The following IL6ST variants were observed in gnomAD, a reference collection of about 807,000 sequenced individuals.
The protein encoded by IL6ST is interleukin 6 cytokine family signal transducer, also known as interleukin-6 receptor subunit beta.
A neutral mutation model predicts 91.3 loss-of-function variants in IL6ST; 24 were observed. The observed-to-expected ratio is 0.26, with a 90% CI of 0.19 to 0.37. The LOEUF (loss-of-function observed/expected upper bound fraction) is 0.37, where lower values mean the gene tolerates loss of function less well. Among genes scored for constraint, IL6ST ranks in the 10% least tolerant of loss-of-function variants. IL6ST has a pLI of 1.00. For missense variants in IL6ST, 914 were observed against 1,078.5 expected (o/e 0.85, Z 2.14); for synonymous variants, 351 against 373.6 (o/e 0.94, Z 0.70).
Position 55,941,001 on chromosome 5 carries a change from T to G in IL6ST, c.*81A>C. The G allele has an allele frequency of 7.1e-7, 1 of 1,402,992 alleles. No homozygotes were observed. Among genetic ancestry groups the G allele is most frequent in the Non-Finnish European group, 9.7e-7 (1 of 1,032,328 alleles). 86.9% of individuals were successfully genotyped at this position (1,402,992 alleles called of 1,614,324 possible). On this transcript the variant is annotated 3_prime_UTR_variant, in exon 17 of 17. Transcript: ENST00000381298. ...TCATCTTCAGAGAGTGAAGACTTTT[T>G]AAAATCTGAATTCACAGATAAAATC...
chr5:55,950,237 A>T (rs939456742), intron 14 of IL6ST: 1 of 474,826 alleles, frequency 2.1e-6, no homozygotes, highest in Non-Finnish European at 4.2e-6. Flanking sequence ...ATAGGCAAGT[A>T]AGAAAACAGG....
intron 8 of IL6ST, chr5:55,959,535 TCTTA>T: frequency 4.0e-6 from 2 of 501,744 alleles, no homozygotes; most frequent in Non-Finnish European, 6.4e-6. Context: ...GCAGTGAGGA[TCTTA>T]CTTTAGACTG....
chr5:55,976,295 T>C lies in IL6ST; in HGVS notation c.-15-2A>G. On this transcript the variant is annotated splice_acceptor_variant, in intron 2 of 16. Transcript: ENST00000381298. LOFTEE classifies it low-confidence loss of function (5UTR_SPLICE). ...CGTCAACATCTTGCGCGGATATTTCTGCAACAGACACATGTAATATTACTT... is the reference window on the plus strand; with the variant it reads ...CGTCAACATCTTGCGCGGATATTTCCGCAACAGACACATGTAATATTACTT... The C allele has an allele frequency of 6.4e-7, 1 of 1,554,374 alleles. No homozygotes were observed. Among genetic ancestry groups the C allele is most frequent in the African/African-American group, 1.4e-5 (1 of 72,820 alleles).
Position 55,940,744 on chromosome 5 carries a change from CTTA to C in IL6ST, c.*335_*337del, listed in dbSNP as rs1412712505. 1 of 297,926 alleles carries C rather than the reference CTTA, an allele frequency of 3.4e-6. No homozygotes were observed. Among genetic ancestry groups the C allele is most frequent in the Non-Finnish European group, 6.3e-6 (1 of 158,616 alleles). 18.5% of individuals were successfully genotyped at this position (297,926 alleles called of 1,614,324 possible). The stretch of plus-strand genomic sequence containing the variant: ...GCTGTGCTCACTAAGCATATCACTG[CTTA>C]TTATTCAAATACCTTCTGTTTTCTA... On this transcript the variant is annotated 3_prime_UTR_variant, in exon 17 of 17. Coordinates refer to ENST00000381298, the MANE Select transcript of IL6ST (RefSeq NM_002184.4).
In IL6ST at chr5:55,971,151, T is replaced by C. The variant is rs944977670; in HGVS notation, c.65-1296A>G. ...ATGTATCATAATCTTTTCAAACTTA[T>C]TATTTTTTATTCTTATTTCTCTGCC... On this transcript the variant is annotated intron_variant, in intron 3 of 16. Coordinates refer to ENST00000381298, the MANE Select transcript of IL6ST (RefSeq NM_002184.4). Among the ~76,000 whole-genome samples, 3 of 152,294 alleles carry C rather than the reference T, an allele frequency of 2.0e-5. No individual in the cohort carries two copies. In the South Asian group the frequency reaches 6.2e-4, roughly 32 times the overall value.
chr5:55,949,191 T>G (rs1264473585), intron 14 of IL6ST, among the ~76,000 whole-genome samples: 1 of 152,092 alleles, frequency 6.6e-6, no homozygotes, highest in Non-Finnish European at 1.5e-5. Context: ...ATAAAAAAAT[T>G]TTAGGCTGAG....
chr5:55,941,909 T>TAC, intron 16 of IL6ST, 90 bp from the exon 17 acceptor site: 1 of 1,102,120 alleles, frequency 9.1e-7, no homozygotes, highest in South Asian at 1.5e-5. Context: ...CTCTCAGTGG[T>TAC]ACAGAAATAA....
At chr5:55,988,635 G>A (rs1470336342) in intron 1 of IL6ST, among the ~76,000 whole-genome samples, 2 of 151,572 alleles carry the variant, frequency 1.3e-5, no homozygotes. Flanking sequence ...GAGTGGTGGC[G>A]CACACCTGTA....
At chr5:55,952,889 C>T (rs1370233540) in intron 11 of IL6ST, among the ~76,000 whole-genome samples, 1 of 152,040 alleles carries the variant, frequency 6.6e-6, no homozygotes, top group African/African-American at 2.4e-5. Flanking sequence ...TGGTGAAACC[C>T]CCCTTTACTG....
chr5:55,977,160 G>A (rs1753347420), intron 2 of IL6ST, among the ~76,000 whole-genome samples: 1 of 152,042 alleles, frequency 6.6e-6, no homozygotes, highest in South Asian at 2.1e-4. Flanking sequence ...GTATGAACTG[G>A]TGATACATGC....
At chr5:55,979,604 T>C (rs144296430) in intron 2 of IL6ST, among the ~76,000 whole-genome samples, 18 of 152,342 alleles carry the variant, frequency 1.2e-4, no homozygotes, top group African/African-American at 4.1e-4. Flanking sequence ...CTACAGGTTA[T>C]AGTGTAAATT....
At chr5:55,948,369 A>T (rs954897182) in intron 14 of IL6ST, among the ~76,000 whole-genome samples, 1 of 152,156 alleles carries the variant, frequency 6.6e-6, no homozygotes, top group African/African-American at 2.4e-5. Context: ...AAAATGTATG[A>T]AAGTAATATT....
rs1750740471 is a variant in IL6ST at position 55,939,389 on chromosome 5, T to C, written c.*1693A>G. 5.0e-6 allele frequency: 1 copy of C among 200,606 alleles called. No homozygotes were observed. The highest frequency in any genetic ancestry group is 1.9e-4 in the South Asian group (1 of 5,258). The allele number at this position is 200,606 out of a possible 1,614,324, so 12.4% of individuals were successfully genotyped here. ...AAGATCATATAATATGTGAAAGAAC[T>C]TTGAAAGGATGAGGCATTATATAAA... On this transcript the variant is annotated 3_prime_UTR_variant, in exon 17 of 17. Coordinates refer to ENST00000381298, the MANE Select transcript of IL6ST (RefSeq NM_002184.4).
chr5:55,975,024 A>T (rs1006350470), intron 3 of IL6ST, among the ~76,000 whole-genome samples: 1 of 151,772 alleles, frequency 6.6e-6, no homozygotes, highest in African/African-American at 2.4e-5. Flanking sequence ...TTGCTCTGTT[A>T]CCCAGGATAG....
chr5:55,994,012 T>G (rs958832277), intron 1 of IL6ST: 8 of 123,208 alleles, frequency 6.5e-5, no homozygotes, highest in Non-Finnish European at 1.6e-5. Flanking sequence ...TTGAAATACT[T>G]CACAAACTAA....
chr5:55,988,283 ATATAATAAATAAGATC>A (rs769197534), intron 1 of IL6ST, among the ~76,000 whole-genome samples: 11 of 152,228 alleles, frequency 7.2e-5, no homozygotes, highest in Admixed American at 2.0e-4. Flanking sequence ...TTAAGCAAAA[ATATAATAAATAAGATC>A]TAAAAATGGA....
rs1234364368 is a variant in IL6ST at position 55,937,578 on chromosome 5, C to A, written c.*3504G>T. 4.9e-6 allele frequency: 1 copy of A among 202,630 alleles called. No homozygotes were observed. Among genetic ancestry groups the A allele is most frequent in the Non-Finnish European group, 1.0e-5 (1 of 98,600 alleles). 12.6% of individuals were successfully genotyped at this position (202,630 alleles called of 1,614,324 possible). ...TGCTAGTTCATACCTTCTTTGAAAT[C>A]AATGACAATGTCCAATTTTAGGCTA... On this transcript the variant is annotated 3_prime_UTR_variant, in exon 17 of 17. Coordinates refer to ENST00000381298, the MANE Select transcript of IL6ST (RefSeq NM_002184.4).
chr5:55,952,664 A>G (rs1751709298), intron 11 of IL6ST, among the ~76,000 whole-genome samples: 1 of 152,216 alleles, frequency 6.6e-6, no homozygotes, highest in Non-Finnish European at 1.5e-5. Flanking sequence ...TGTATGTCTT[A>G]CCTACAAGAG....
chr5:55,986,385 G>T (rs1012750568), intron 1 of IL6ST, among the ~76,000 whole-genome samples: 1 of 152,040 alleles, frequency 6.6e-6, no homozygotes, highest in Non-Finnish European at 1.5e-5. Context: ...TATTACTATA[G>T]CCAATTCTGT....
Sources: allele counts gnomAD v4.1 joint callset (sites outside exome capture counted in the v4.1 genomes callset), GRCh38; gene constraint gnomAD v4.1.1; transcripts MANE v1.5; gene names NCBI Gene and HGNC (gene_info 2026-07-23, HGNC 2026-07-21).